Variants in WASF3 observed in about 807,000 individuals in gnomAD.
The protein encoded by WASF3 is WASP family member 3.
WASF3 carries 11 observed loss-of-function variants against 46.6 expected under a neutral mutation model. The ratio of observed to expected loss-of-function variants is 0.24; its 90% CI spans 0.15 to 0.39. WASF3 has a LOEUF of 0.39. Ranked by LOEUF, WASF3 falls within the 10% of genes least tolerant of loss-of-function variation. The probability of loss-of-function intolerance (pLI) is 1.00; values close to 1 mark genes in which losing one functional copy is unlikely to be tolerated. For missense variants in WASF3, 576 were observed against 669.8 expected (o/e 0.86, Z 1.55); for synonymous variants, 242 against 259.7 (o/e 0.93, Z 0.65).
At chr13:26,554,076 C>CTTTCTTTCTTTCTCTCT (rs1164603154), upstream of WASF3, among the ~76,000 whole-genome samples, 1 of 72,486 alleles carries the variant, frequency 1.4e-5, no homozygotes, top group East Asian at 5.2e-4. Flanking sequence ...TCCTTCCTTC[C>CTTTCTTTCTTTCTCTCT]TTCCTTCCTT....
At chr13:26,558,012 G>A (rs1278502888) in intron 1 of WASF3, among the ~76,000 whole-genome samples, 193 bp downstream of exon 1, 2 of 150,858 alleles carry the variant, frequency 1.3e-5, no homozygotes, top group Admixed American at 6.6e-5. Context: ...CTGCAGCCCG[G>A]CCGCATTCTC....
Position 26,688,179 on chromosome 13 carries a change from T to G in WASF3, c.*2334T>G, listed in dbSNP as rs1883468621. 6.6e-6 allele frequency: 1 copy of G among 152,166 alleles called. No individual in the cohort carries two copies. The highest frequency in any genetic ancestry group is 2.4e-5 in the African/African-American group (1 of 41,430). The allele number at this position is 152,166 out of a possible 1,614,324, so 9.4% of individuals were successfully genotyped here. On this transcript the variant is annotated 3_prime_UTR_variant, in exon 10 of 10. Coordinates refer to ENST00000335327, the MANE Select transcript of WASF3 (RefSeq NM_006646.6). Reference sequence around the variant, plus strand: ...AGAGTATTTTTCCAGCAAATTCAATTTATTCTGAAATTTAAATCCAGATCT... The same window carrying G: ...AGAGTATTTTTCCAGCAAATTCAATGTATTCTGAAATTTAAATCCAGATCT...
At chr13:26,592,552 A>G (rs963752565) in intron 1 of WASF3, among the ~76,000 whole-genome samples, 1 of 150,812 alleles carries the variant, frequency 6.6e-6, no homozygotes, top group African/African-American at 2.5e-5. Context: ...GTGGGTGCAG[A>G]GAGTGTGAGT....
intron 1 of WASF3, among the ~76,000 whole-genome samples, chr13:26,593,475 T>C (rs986823186): frequency 1.3e-5 from 2 of 152,248 alleles, no homozygotes; most frequent in Non-Finnish European, 2.9e-5. Context: ...AAATTATTGT[T>C]ATTATTATTT....
At chr13:26,629,941 G>A (rs1881600844) in intron 2 of WASF3, among the ~76,000 whole-genome samples, 1 of 151,916 alleles carries the variant, frequency 6.6e-6, no homozygotes, top group East Asian at 1.9e-4. Context: ...TCTCCTGCTG[G>A]AGCTTGCCAC....
the WASF3 span, among the ~76,000 whole-genome samples, chr13:26,539,741 G>T: frequency 0.016 from 2,511 of 152,274 alleles, 79 homozygotes; most frequent in African/African-American, 0.056. Context: ...ATCTGACCAG[G>T]TTCCTTGGTC....
chr13:26,633,095 C>G (rs1413040441), intron 2 of WASF3, among the ~76,000 whole-genome samples: 1 of 150,926 alleles, frequency 6.6e-6, no homozygotes, highest in Non-Finnish European at 1.5e-5. Flanking sequence ...AGTGGTCTAT[C>G]AATTTTGTTG....
At chr13:26,655,142 A>G (rs1882429476) in intron 3 of WASF3, among the ~76,000 whole-genome samples, 1 of 152,202 alleles carries the variant, frequency 6.6e-6, no homozygotes, top group South Asian at 2.1e-4. Context: ...ATGTATGCAT[A>G]TATATTAAAA....
rs1217094784 is a variant in WASF3 at position 26,679,859 on chromosome 13, TC to T, written c.717-1194del. Among the ~76,000 whole-genome samples, 1 of 152,162 alleles carries T rather than the reference TC, an allele frequency of 6.6e-6. No homozygotes were observed. Among genetic ancestry groups the T allele is most frequent in the African/African-American group, 2.4e-5 (1 of 41,440 alleles). ...ATGAGTAGTTATTAGTTGTTACACT[TC>T]AATTAAGGAAGGAAAAAGGAAAAGA... On this transcript the variant is annotated intron_variant, in intron 7 of 9. Transcript: ENST00000335327. This position sits in a 1 kb window ranked among gnomAD's most constrained non-coding sequence, Gnocchi z 4.8.
intron 2 of WASF3, among the ~76,000 whole-genome samples, chr13:26,628,146 A>T (rs749895315): frequency 2.6e-5 from 4 of 152,158 alleles, no homozygotes; most frequent in Non-Finnish European, 4.4e-5. Context: ...AAATCCCGTA[A>T]AAGTTGGGTA....
intron 2 of WASF3, among the ~76,000 whole-genome samples, chr13:26,619,250 C>T (rs1881231659): frequency 6.6e-6 from 1 of 152,194 alleles, no homozygotes; most frequent in Non-Finnish European, 1.5e-5. Context: ...GCATATGCTG[C>T]AGCCTTAAAT....
intron 9 of WASF3, among the ~76,000 whole-genome samples, chr13:26,685,182 C>A (rs190022544): frequency 6.6e-6 from 1 of 152,082 alleles, no homozygotes. Flanking sequence ...ATGTTTGTTT[C>A]CACAGTAATT....
chr13:26,613,578 G>GC (rs1413980605), intron 2 of WASF3, among the ~76,000 whole-genome samples: 1 of 152,130 alleles, frequency 6.6e-6, no homozygotes, highest in Admixed American at 6.5e-5. Flanking sequence ...GACCATCCTG[G>GC]CTAACACAGT....
intron 7 of WASF3, among the ~76,000 whole-genome samples, chr13:26,677,624 A>G (rs1049175931): frequency 1.3e-5 from 2 of 152,188 alleles, no homozygotes; most frequent in African/African-American, 4.8e-5. Context: ...AAGGTCTATA[A>G]GTCATTGGGA....
rs575793959 is a variant in WASF3 at position 26,570,515 on chromosome 13, T to G, written c.-109+12696T>G. Among the ~76,000 whole-genome samples, 3 of 152,310 alleles carry G rather than the reference T, an allele frequency of 2.0e-5. No homozygotes were observed. The South Asian group carries it at 6.2e-4, about 32-fold the overall frequency. ...CATGTATGTTTTCTTATTTACCTTT[T>G]TTTCAAAAACAGAAGGTGGCATACT... On this transcript the variant is annotated intron_variant, in intron 1 of 9. Transcript: ENST00000335327.
chr13:26,669,772 C>T (rs528188413), intron 5 of WASF3, among the ~76,000 whole-genome samples: 1 of 152,332 alleles, frequency 6.6e-6, no homozygotes, highest in East Asian at 1.9e-4. Context: ...CCTCGGCCTC[C>T]CAAAGTGCTG....
chr13:26,623,941 A>G lies in WASF3; in HGVS notation c.-11+10883A>G, dbSNP rs149386467. ...GGTGTATCAGATAACAATAGCAGCC[A>G]TCTCCCTCAAACCCTGACTAGGTTG... is the stretch of plus-strand genomic sequence containing the variant. On this transcript the variant is annotated intron_variant, in intron 2 of 9. Transcript: ENST00000335327. 7.8e-3 allele frequency among the ~76,000 whole-genome samples: 1,183 copies of G among 152,330 alleles called. 16 individuals carry two copies. The highest frequency in any genetic ancestry group is 0.027 in the African/African-American group (1,121 of 41,570).
chr13:26,547,193 A>G, the WASF3 span, among the ~76,000 whole-genome samples: 3 of 152,144 alleles, frequency 2.0e-5, no homozygotes, highest in African/African-American at 7.2e-5. Flanking sequence ...CTTATTTCAC[A>G]AATATCCAAC....
At chr13:26,606,810 G>A (rs793638) in intron 1 of WASF3, 128,527 of 152,176 alleles carry the variant, frequency 0.84, 54,314 homozygotes, top group East Asian at 0.91. Flanking sequence ...GTCTTCTGTC[G>A]TAGCACTTTC....
Sources: gnomAD v4.1 joint callset for allele counts (sites outside exome capture counted in the v4.1 genomes callset) on GRCh38, gnomAD v4.1.1 for gene constraint, Gnocchi (gnomAD v3.1) non-coding constraint, MANE v1.5 for transcripts, NCBI Gene and HGNC (gene_info 2026-07-23, HGNC 2026-07-21) for gene names.